The following NDST3 variants were observed in gnomAD, a reference collection of about 807,000 sequenced individuals.
NDST3 encodes bifunctional heparan sulfate N-deacetylase/N-sulfotransferase 3.
NDST3 carries 58 observed loss-of-function variants against 96.1 expected under a neutral mutation model. The observed-to-expected ratio is 0.60, with a 90% CI of 0.49 to 0.75. NDST3 has a LOEUF of 0.75. NDST3 is among the 30% of genes least tolerant of loss of function. The pLI is 0.00. For missense variants in NDST3, 788 were observed against 1,034.2 expected, an observed-to-expected ratio of 0.76 and a Z score of 3.27; for synonymous variants, 333 against 359.7, an observed-to-expected ratio of 0.93 and a Z score of 0.84.
At chr4:118,139,901 G>A (rs998563181) in intron 5 of NDST3, among the ~76,000 whole-genome samples, 1 of 152,070 alleles carries the variant, frequency 6.6e-6, no homozygotes. Context: ...ACCTGGTGCT[G>A]CTTCCTACTT....
chr4:118,201,162 C>T (rs960140130), intron 6 of NDST3, among the ~76,000 whole-genome samples: 4 of 152,154 alleles, frequency 2.6e-5, no homozygotes, highest in African/African-American at 9.7e-5. Flanking sequence ...GTATATACAG[C>T]ATTTTCTTTA....
intron 12 of NDST3, among the ~76,000 whole-genome samples, chr4:118,251,922 G>A (rs559327677): frequency 1.3e-5 from 2 of 152,206 alleles, no homozygotes; most frequent in Non-Finnish European, 2.9e-5. Context: ...TCTGATTTAT[G>A]AGCATGGTAT....
chr4:118,211,312 T>A (rs1738781932), intron 6 of NDST3, among the ~76,000 whole-genome samples: 1 of 152,146 alleles, frequency 6.6e-6, no homozygotes, highest in Non-Finnish European at 1.5e-5. Context: ...GAAGTAAGAT[T>A]GCTTTAGTAA....
chr4:118,252,971 G>A (rs548698485), intron 12 of NDST3, among the ~76,000 whole-genome samples: 7 of 152,072 alleles, frequency 4.6e-5, no homozygotes, highest in Non-Finnish European at 8.8e-5. Context: ...AAAGAAGAAA[G>A]TAGCTCTGAA....
At chr4:118,075,697 T>G (rs952387267) in intron 2 of NDST3, among the ~76,000 whole-genome samples, 1 of 152,242 alleles carries the variant, frequency 6.6e-6, no homozygotes, top group African/African-American at 2.4e-5. Context: ...AAACGTCTTC[T>G]TTTGAAAAGT....
chr4:118,161,156 G>A lies in NDST3; in HGVS notation c.1539+17472G>A, dbSNP rs1233884972. On this transcript the variant is annotated intron_variant, in intron 6 of 13. Coordinates refer to ENST00000296499, the MANE Select transcript of NDST3 (RefSeq NM_004784.3). ...TCCACTCCAGACCCTGTTTGCCTGC[G>A]TATCCACAGCGGCAGCTGCAGAACA... Among the ~76,000 whole-genome samples, 6 of 152,202 alleles carry A rather than the reference G, an allele frequency of 3.9e-5. No individual in the cohort carries two copies. In the East Asian group the frequency reaches 5.8e-4, roughly 15 times the overall value.
chr4:118,153,405 T>C (rs1734527426), intron 6 of NDST3, among the ~76,000 whole-genome samples: 1 of 152,218 alleles, frequency 6.6e-6, no homozygotes, highest in Admixed American at 6.5e-5. Context: ...AACTTAAATG[T>C]CCAAAAGGGA....
At chr4:118,231,296 A>G (rs1395870611) in intron 8 of NDST3, among the ~76,000 whole-genome samples, 1 of 151,622 alleles carries the variant, frequency 6.6e-6, no homozygotes, top group African/African-American at 2.4e-5. Context: ...AGATCGTGCC[A>G]CTGCACTCCA....
intron 6 of NDST3, among the ~76,000 whole-genome samples, chr4:118,204,094 C>T (rs934714368): frequency 1.3e-5 from 2 of 152,082 alleles, no homozygotes; most frequent in African/African-American, 4.8e-5. Flanking sequence ...CAGAAATTTG[C>T]TCAAACAAAC....
At chr4:118,131,497 A>C (rs1432947730) in intron 4 of NDST3, among the ~76,000 whole-genome samples, 7 of 152,008 alleles carry the variant, frequency 4.6e-5, no homozygotes, top group Non-Finnish European at 1.0e-4. Context: ...TGAATTCCTT[A>C]TCTCTGTTAA....
chr4:118,038,999 GTA>G (rs998489444), intron 1 of NDST3, among the ~76,000 whole-genome samples: 7 of 152,138 alleles, frequency 4.6e-5, no homozygotes, highest in Non-Finnish European at 8.8e-5. Context: ...ATATATGTTT[GTA>G]TATATTGAGT....
rs866423620 is a variant in NDST3 at position 118,198,078 on chromosome 4, G to A, written c.1540-26413G>A. 2.9e-4 allele frequency among the ~76,000 whole-genome samples: 44 copies of A among 152,138 alleles called. No homozygotes were observed. In the Middle Eastern group the frequency reaches 0.01, roughly 35 times the overall value. On this transcript the variant is annotated intron_variant, in intron 6 of 13. Coordinates refer to ENST00000296499, the MANE Select transcript of NDST3 (RefSeq NM_004784.3). ...CTCCCAAAGTGCTGGGATTACAGGC[G>A]TGAGCCACCACACCTGGCCTCATTG...
chr4:118,235,045 A>AAAGGAAGGAAGGAAGGAAAG (rs1553948137), intron 9 of NDST3, among the ~76,000 whole-genome samples: 23 of 16,736 alleles, frequency 1.4e-3, no homozygotes, highest in Admixed American at 2.5e-3. Flanking sequence ...AAAGAAAAAA[A>AAAGGAAGGAAGGAAGGAAAG]AAGGAAGGAA....
chr4:118,051,909 A>AAAGGGAATGCTTATACACTGTT (rs1232080726), intron 1 of NDST3, among the ~76,000 whole-genome samples: 2 of 152,244 alleles, frequency 1.3e-5, no homozygotes, highest in East Asian at 3.9e-4. Context: ...GCTGCATAGA[A>AAAGGGAATGCTTATACACTGTT]AAGGGAATGC....
rs547228284 is a variant in NDST3, at chr4:118,118,447, A to G, written c.1224+3487A>G. Reference sequence around the variant, plus strand: ...AAACTTTTGGGTTTCGGCCTTTGCTATCATCATTTACAGCCACATACCTGC... The same window carrying G: ...AAACTTTTGGGTTTCGGCCTTTGCTGTCATCATTTACAGCCACATACCTGC... On this transcript the variant is annotated intron_variant, in intron 4 of 13. Transcript: ENST00000296499. 2.6e-5 allele frequency among the ~76,000 whole-genome samples: 4 copies of G among 152,352 alleles called. No homozygotes were observed. The South Asian group carries it at 6.2e-4, about 24-fold the overall frequency.
At position 118,208,418 on chromosome 4, in the gene NDST3, T is replaced by C. The variant is rs1202771142; in HGVS notation, c.1540-16073T>C. ...CTGCAGAGATGCCTTTCTAGGTATT[T>C]TGCTTTTAATTAAGTCTTTATACAG... On this transcript the variant is annotated intron_variant, in intron 6 of 13. Coordinates refer to ENST00000296499, the MANE Select transcript of NDST3 (RefSeq NM_004784.3). Among the ~76,000 whole-genome samples, 3 of 144,208 alleles carry C rather than the reference T, an allele frequency of 2.1e-5. 1 individual carries two copies. The highest frequency in any genetic ancestry group is 4.6e-5 in the Non-Finnish European group (3 of 65,086). The allele number at this position is 144,208 out of a possible 152,430, so 94.6% of individuals were successfully genotyped here.
intron 6 of NDST3, among the ~76,000 whole-genome samples, chr4:118,215,348 A>T (rs903794433): frequency 6.6e-6 from 1 of 152,162 alleles, no homozygotes; most frequent in Non-Finnish European, 1.5e-5. Flanking sequence ...ACCATGTTCA[A>T]TGGAGTAGAT....
In NDST3 at chr4:118,096,785, A is replaced by C. The variant is rs141486685; in HGVS notation, c.982-8233A>C. Among the ~76,000 whole-genome samples the C allele has an allele frequency of 1.0e-3, 158 of 152,048 alleles. 1 individual carries two copies. The highest frequency in any genetic ancestry group is 1.5e-3 in the Non-Finnish European group (105 of 67,894). ...CTGAGAAGTCTCAAGATATGCAGGC[A>C]GCAAGCTGGAGATCCAGCAGAGCTA... is the stretch of plus-strand genomic sequence containing the variant. On this transcript the variant is annotated intron_variant, in intron 2 of 13. Coordinates refer to ENST00000296499, the MANE Select transcript of NDST3 (RefSeq NM_004784.3).
intron 6 of NDST3, among the ~76,000 whole-genome samples, chr4:118,209,670 C>A (rs939930363): frequency 2.0e-5 from 3 of 152,200 alleles, no homozygotes; most frequent in Admixed American, 6.5e-5. Context: ...CAAACTGCTC[C>A]AAGCTAAATT....
Sources: allele counts gnomAD v4.1 joint callset (sites outside exome capture counted in the v4.1 genomes callset), GRCh38; gene constraint gnomAD v4.1.1; transcripts MANE v1.5; gene names NCBI Gene and HGNC (gene_info 2026-07-23, HGNC 2026-07-21).